Variants in AGAP5 observed in about 807,000 individuals in gnomAD.
AGAP5 encodes the protein arf-GAP with GTPase, ANK repeat and PH domain-containing protein 5.
A neutral mutation model predicts 27.7 loss-of-function variants in AGAP5; 8 were observed. The ratio of observed to expected loss-of-function variants is 0.29; its 90% CI spans 0.17 to 0.52. The LOEUF (loss-of-function observed/expected upper bound fraction) is 0.52. AGAP5 is among the 20% of genes least tolerant of loss of function. The probability of loss-of-function intolerance (pLI) is 0.97; values close to 1 mark genes in which losing one functional copy is unlikely to be tolerated. For synonymous variants in AGAP5, 111 were observed against 338.0 expected (o/e 0.33, Z 7.37); for missense variants, 285 against 880.8 (o/e 0.32, Z 8.56).
At chr10:73,689,138 C>T (rs545255359) in intron 4 of AGAP5, among the ~76,000 whole-genome samples, 15 of 152,362 alleles carry the variant, frequency 9.8e-5, no homozygotes, top group South Asian at 6.2e-4. Flanking sequence ...AGGCGCGCGC[C>T]GCCACGCCTG....
At position 73,675,346 on chromosome 10, in the gene AGAP5, G is replaced by A. The variant is rs1290479026; in HGVS notation, c.1314C>T (p.Ile438=). The A allele has an allele frequency of 1.2e-6, 2 of 1,613,880 alleles. No individual in the cohort carries two copies. The highest frequency in any genetic ancestry group is 2.2e-5 in the South Asian group (2 of 91,072). The change falls in exon 8 of 8, where the codon ATC becomes ATT. Residue 438 remains isoleucine, a synonymous_variant. Coordinates refer to ENST00000374094, the MANE Select transcript of AGAP5 (RefSeq NM_001144000.4). ...GCAGGCTGGCCAGGATCTGGCTCTG[G>A]ATGGCTTGGACCCAGGCATCCCGCT... ...YEERDAWVQA[I]QSQILASLQS...
Position 73,674,382 on chromosome 10 carries a change from G to T in AGAP5, c.*217C>A. The T allele has an allele frequency of 1.6e-6, 1 of 631,222 alleles. No homozygotes were observed. Among genetic ancestry groups the T allele is most frequent in the Non-Finnish European group, 2.8e-6 (1 of 354,106 alleles). 39.1% of individuals were successfully genotyped at this position (631,222 alleles called of 1,614,324 possible). ...CTGTGTGACTTGGGCAATGTGGCCA[G>T]GAGGGCCTGAGACTAACACATCCAC... On this transcript the variant is annotated 3_prime_UTR_variant, in exon 8 of 8. Coordinates refer to ENST00000374094, the MANE Select transcript of AGAP5 (RefSeq NM_001144000.4).
intron 4 of AGAP5, among the ~76,000 whole-genome samples, chr10:73,686,750 A>G (rs561931297): frequency 6.6e-6 from 1 of 152,358 alleles, no homozygotes; most frequent in South Asian, 2.1e-4. Context: ...GCGGATAAAG[A>G]AACTGTGATA....
At chr10:73,694,151 T>G (rs1027489262) in intron 3 of AGAP5, among the ~76,000 whole-genome samples, 1 of 152,132 alleles carries the variant, frequency 6.6e-6, no homozygotes, top group Admixed American at 6.5e-5. Context: ...AACATAACAT[T>G]AAGGGAAATA....
intron 6 of AGAP5, 148 bp from the exon 7 acceptor site, chr10:73,676,918 G>A: frequency 1.3e-6 from 1 of 760,028 alleles, no homozygotes; most frequent in Non-Finnish European, 2.1e-6. Context: ...GACTTGCAGA[G>A]GGTTTCCTGA....
chr10:73,686,533 A>C (rs1362822880), intron 4 of AGAP5, among the ~76,000 whole-genome samples: 1 of 152,252 alleles, frequency 6.6e-6, no homozygotes, highest in Non-Finnish European at 1.5e-5. Context: ...AAGCAAATGC[A>C]ACAGAAACAA....
In AGAP5 at chr10:73,675,515, G is replaced by A. The variant is rs1047968685; in HGVS notation, c.1145C>T (p.Ser382Phe). 1.5e-5 allele frequency: 25 copies of A among 1,613,654 alleles called. No individual in the cohort carries two copies. Among genetic ancestry groups the A allele is most frequent in the Non-Finnish European group, 2.1e-5 (25 of 1,179,774 alleles). ...GDSICFSPSI[S>F]STTSPKLNPP... ...GTTGAGCTTGGGGCTGGTGGTGCTG[G>A]AGATACTGGGGCTGAAGCATATGGA... The change falls in exon 8 of 8, where the codon TCC becomes TTC. Residue 382 changes from serine to phenylalanine, a missense_variant. Coordinates refer to ENST00000374094, the MANE Select transcript of AGAP5 (RefSeq NM_001144000.4).
At chr10:73,686,388 C>T (rs2082063927) in intron 4 of AGAP5, among the ~76,000 whole-genome samples, 1 of 152,200 alleles carries the variant, frequency 6.6e-6, no homozygotes, top group South Asian at 2.1e-4. Context: ...CAACTCTCAT[C>T]TTACACAAAA....
In AGAP5 at chr10:73,674,684, G is replaced by C. The variant is rs750405581; in HGVS notation, c.1976C>G (p.Thr659Arg). Residue 659 changes from threonine to arginine, a missense_variant, in exon 8 of 8, where the codon ACA becomes AGA. Transcript: ENST00000374094. The stretch of plus-strand genomic sequence containing the variant: ...GGCCTGCCGGGCGTAGGTCAGCGCT[G>C]TGTTCCCGTGGGCATCTCGGGCCAT... ...DVMARDAHGN[T>R]ALTYARQASS... The C allele has an allele frequency of 1.2e-6, 2 of 1,611,982 alleles. No homozygotes were observed. The highest frequency in any genetic ancestry group is 1.7e-6 in the Non-Finnish European group (2 of 1,179,858).
rs2081968185 is a variant in AGAP5 at position 73,675,298 on chromosome 10, G to C, written c.1362C>G (p.Ser454Arg). 1.2e-6 allele frequency: 2 copies of C among 1,612,580 alleles called. No homozygotes were observed. The highest frequency in any genetic ancestry group is 2.2e-5 in the East Asian group (1 of 44,880). Residue 454 changes from serine to arginine, a missense_variant, in exon 8 of 8, where the codon AGC (serine) becomes AGG (arginine). Physicochemically the swap from Ser to Arg is moderately radical, Grantham distance 110 (BLOSUM62 -1). Transcript: ENST00000374094. ...ASLQSCESSK[S>R]KSQLTSQSEA... ...CGCTCTGGCTGGTCAGCTGGGACTT[G>C]CTTTTACTGCTCTCGCATGACTGCA...
chr10:73,690,802 C>G (rs1490556394), intron 4 of AGAP5, among the ~76,000 whole-genome samples: 1 of 152,170 alleles, frequency 6.6e-6, no homozygotes, highest in African/African-American at 2.4e-5. Context: ...CGATCCCACA[C>G]AAGACAGCAG....
In AGAP5 at chr10:73,697,650, C is replaced by T. The variant is rs1487174984; in HGVS notation, c.106G>A (p.Ala36Thr). Residue 36 changes from alanine (A) to threonine (T), a missense_variant, in exon 1 of 8, where the codon GCT becomes ACT. Coordinates refer to ENST00000374094, the MANE Select transcript of AGAP5 (RefSeq NM_001144000.4). ...GGCGCTCCTGCCATCCTGTCCCCAG[C>T]TCCTGCCTCATAGATCTCAGATTCA... ...PSESEIYEAG[A>T]GDRMAGAPMA... The T allele has an allele frequency of 2.5e-6, 4 of 1,603,666 alleles. No individual in the cohort carries two copies. In the South Asian group the frequency reaches 4.4e-5, roughly 18 times the overall value.
intron 6 of AGAP5, among the ~76,000 whole-genome samples, chr10:73,679,383 C>T (rs190892234): frequency 2.0e-5 from 3 of 151,822 alleles, no homozygotes; most frequent in African/African-American, 4.8e-5. Flanking sequence ...AGAATGGTCT[C>T]GATCTCCTGA....
intron 1 of AGAP5, 30 bp downstream of exon 1, chr10:73,697,503 G>T: frequency 1.2e-6 from 2 of 1,610,256 alleles, no homozygotes; most frequent in Non-Finnish European, 8.5e-7. Context: ...GAGGCAAACC[G>T]AGGGTAGATG....
chr10:73,687,740 A>G (rs1305599339), intron 4 of AGAP5, among the ~76,000 whole-genome samples: 1 of 152,202 alleles, frequency 6.6e-6, no homozygotes, highest in Non-Finnish European at 1.5e-5. Context: ...AATATAATAG[A>G]TTGACCACAA....
In AGAP5 at chr10:73,697,890, G is replaced by T; in HGVS notation, c.-135C>A. 6.5e-7 allele frequency: 1 copy of T among 1,537,164 alleles called. No homozygotes were observed. Among genetic ancestry groups the T allele is most frequent in the Non-Finnish European group, 8.7e-7 (1 of 1,147,696 alleles). ...GCTCCTCGCCTGCCCACCTCACAGC[G>T]CGGCCCCGGGCACCATCCCTGGCCC... On this transcript the variant is annotated 5_prime_UTR_variant, in exon 1 of 8. Coordinates refer to ENST00000374094, the MANE Select transcript of AGAP5 (RefSeq NM_001144000.4).
At chr10:73,692,966 G>A (rs2132459764) in intron 3 of AGAP5, among the ~76,000 whole-genome samples, 1 of 152,194 alleles carries the variant, frequency 6.6e-6, no homozygotes, top group African/African-American at 2.4e-5. Flanking sequence ...GTTAAAATGA[G>A]TATACAAACC....
chr10:73,697,926 C>CCCGGCA lies in AGAP5; in HGVS notation c.-172_-171insTGCCGG, dbSNP rs1303292273. ...CACCATCCCTGGCCCCGGCCCCGGC[C>CCCGGCA]CCGGCTAGGGCTGCGGGTCAAGGCC... On this transcript the variant is annotated 5_prime_UTR_variant, in exon 1 of 8. Transcript: ENST00000374094. The CCCGGCA allele has an allele frequency of 2.0e-6, 3 of 1,528,338 alleles. No homozygotes were observed. In the African/African-American group the frequency reaches 4.1e-5, roughly 21 times the overall value. The allele number at this position is 1,528,338 out of a possible 1,614,324, so 94.7% of individuals were successfully genotyped here.
Position 73,689,756 on chromosome 10 carries a change from G to A in AGAP5, c.396+2287C>T, listed in dbSNP as rs1225738295. Reference sequence around the variant, plus strand: ...GTGAGGAGCCCCTCCGCCTGGCAGCGCCCCCGTCTGAGAAGTGAGGAGCCC... The same window carrying A: ...GTGAGGAGCCCCTCCGCCTGGCAGCACCCCCGTCTGAGAAGTGAGGAGCCC... On this transcript the variant is annotated intron_variant, in intron 4 of 7. Transcript: ENST00000374094. Among the ~76,000 whole-genome samples, 698 of 134,990 alleles carry A rather than the reference G, an allele frequency of 5.2e-3. 9 individuals are homozygous for A. Among genetic ancestry groups the A allele is most frequent in the African/African-American group, 0.019 (673 of 35,100 alleles). 88.6% of individuals were successfully genotyped at this position (134,990 alleles called of 152,430 possible).
Sources: allele counts gnomAD v4.1 joint callset (sites outside exome capture counted in the v4.1 genomes callset), GRCh38; gene constraint gnomAD v4.1.1; transcripts MANE v1.5; gene names NCBI Gene and HGNC (gene_info 2026-07-23, HGNC 2026-07-21).